The following ERCC6L2 variants were observed in gnomAD, a reference collection of about 807,000 sequenced individuals.
ERCC6L2 encodes the protein DNA excision repair protein ERCC-6-like 2.
ERCC6L2 carries 77 observed loss-of-function variants against 132.0 expected under a neutral mutation model. The observed-to-expected ratio is 0.58, with a 90% CI of 0.49 to 0.71. The LOEUF (loss-of-function observed/expected upper bound fraction) is 0.71. Ranked by LOEUF, ERCC6L2 falls within the 30% of genes least tolerant of loss-of-function variation. The probability of loss-of-function intolerance (pLI) is 0.00; values close to 1 mark genes in which losing one functional copy is unlikely to be tolerated. For synonymous variants in ERCC6L2, 583 were observed against 632.4 expected, an observed-to-expected ratio of 0.92 and a Z score of 1.17; for missense variants, 1,542 against 1,837.6, an observed-to-expected ratio of 0.84 and a Z score of 2.94.
At chr9:96,019,499 C>T (rs1229209033), downstream of ERCC6L2, among the ~76,000 whole-genome samples, 1 of 152,128 alleles carries the variant, frequency 6.6e-6, no homozygotes, top group Non-Finnish European at 1.5e-5. Context: ...TTCCATGTCA[C>T]CCCTGACTCC....
intron 12 of ERCC6L2, among the ~76,000 whole-genome samples, chr9:95,949,981 C>T (rs974717614): frequency 2.7e-5 from 4 of 150,776 alleles, no homozygotes; most frequent in African/African-American, 9.8e-5. Flanking sequence ...TGCCACTACA[C>T]TCCAGCCTGG....
intron 12 of ERCC6L2, among the ~76,000 whole-genome samples, chr9:95,948,814 G>T (rs887140779): frequency 7.2e-6 from 1 of 139,460 alleles, no homozygotes; most frequent in Non-Finnish European, 1.6e-5. Flanking sequence ...AAAAAGAAAA[G>T]AAAAGAAAGA....
chr9:95,891,570 G>A (rs1315386160), intron 2 of ERCC6L2, among the ~76,000 whole-genome samples: 1 of 150,870 alleles, frequency 6.6e-6, no homozygotes, highest in African/African-American at 2.4e-5. Flanking sequence ...GGAATTAGTG[G>A]GTTTTATGGT....
chr9:96,013,166 C>T lies in ERCC6L2; in HGVS notation c.4616C>T (p.Thr1539Ile). The T allele has an allele frequency of 7.3e-7, 1 of 1,365,978 alleles. No individual in the cohort carries two copies. The highest frequency in any genetic ancestry group is 9.8e-7 in the Non-Finnish European group (1 of 1,021,416). 84.6% of individuals were successfully genotyped at this position (1,365,978 alleles called of 1,614,324 possible). A position where few individuals can be genotyped will look rare whatever the true frequency, so the allele number is the denominator to read the frequency against. Residue 1539 changes from threonine to isoleucine, a missense_variant, in exon 19 of 19, where the codon ACA (threonine) becomes ATA (isoleucine). Physicochemically the swap from Thr to Ile is moderately conservative, Grantham distance 89 (BLOSUM62 -1). Around this residue, in one of 4 missense-constraint regions of ERCC6L2, gnomAD observed 442 missense variants for 583.4 expected, o/e 0.76. Coordinates refer to ENST00000653738, the MANE Select transcript of ERCC6L2 (RefSeq NM_020207.7). ...FLWKKFSPSDTDENATNTQST... is the reference protein window; with the variant it reads ...FLWKKFSPSDIDENATNTQST... ...TGGAAGAAATTTAGCCCAAGTGATA[C>T]AGATGAAAACGCAACCAATACACAG... is the stretch of plus-strand genomic sequence containing the variant.
chr9:95,921,856 T>G (rs1357791062), intron 7 of ERCC6L2, among the ~76,000 whole-genome samples: 1 of 152,232 alleles, frequency 6.6e-6, no homozygotes, highest in African/African-American at 2.4e-5. Flanking sequence ...AAACCCTAAG[T>G]GAATATTTAT....
chr9:95,928,652 C>T, intron 10 of ERCC6L2, 67 bp from the exon 11 acceptor site: 1 of 1,384,564 alleles, frequency 7.2e-7, no homozygotes, highest in Non-Finnish European at 9.7e-7. Flanking sequence ...CAAGTCTCAA[C>T]TTTGTAATGG....
chr9:95,921,175 A>C lies in ERCC6L2; in HGVS notation c.1159A>C (p.Met387Leu), dbSNP rs768120288. The C allele has an allele frequency of 1.6e-5, 26 of 1,604,760 alleles. No individual in the cohort carries two copies. Among genetic ancestry groups the C allele is most frequent in the Non-Finnish European group, 5.9e-6 (7 of 1,176,560 alleles). Residue 387 changes from methionine (M) to leucine (L), a missense_variant and splice_region_variant, in exon 7 of 19, where the codon ATG (methionine) becomes CTG (leucine). Coordinates refer to ENST00000653738, the MANE Select transcript of ERCC6L2 (RefSeq NM_020207.7). ...ACTACCTTGTATTTTATCTTGGCAG[A>C]TGGTGTATTGTTCTTTGACAGATTT... ...KDQLPKKEDR[M>L]VYCSLTDFQK...
intron 19 of ERCC6L2, among the ~76,000 whole-genome samples, chr9:96,025,393 G>A (rs983578917): frequency 2.6e-5 from 4 of 152,214 alleles, no homozygotes; most frequent in Admixed American, 6.5e-5. Context: ...AGATGGCAGC[G>A]AGTTTCTGTT....
intron 12 of ERCC6L2, among the ~76,000 whole-genome samples, chr9:95,945,170 A>G (rs1239595454): frequency 1.3e-5 from 2 of 152,156 alleles, no homozygotes; most frequent in African/African-American, 2.4e-5. Context: ...TGAAGCGGCC[A>G]TTTCAGAGGC....
chr9:95,888,071 T>TG (rs1462574044), intron 2 of ERCC6L2, among the ~76,000 whole-genome samples: 3 of 151,754 alleles, frequency 2.0e-5, no homozygotes, highest in Non-Finnish European at 4.4e-5. Context: ...CTTTGTGGTT[T>TG]TTTTTTTTTT....
intron 12 of ERCC6L2, among the ~76,000 whole-genome samples, chr9:95,945,621 T>G (rs1034258403): frequency 1.3e-5 from 2 of 152,188 alleles, no homozygotes; most frequent in Admixed American, 6.5e-5. Context: ...ATTATAAAAG[T>G]GTTAATTTGG....
chr9:95,978,193 A>G lies in ERCC6L2; in HGVS notation c.3470A>G (p.Asn1157Ser), dbSNP rs1477908764. 1 of 1,366,296 alleles carries G rather than the reference A, an allele frequency of 7.3e-7. No individual in the cohort carries two copies. Among genetic ancestry groups the G allele is most frequent in the Non-Finnish European group, 9.8e-7 (1 of 1,021,254 alleles). The allele number at this position is 1,366,296 out of a possible 1,614,324, so 84.6% of individuals were successfully genotyped here. ...AAGCAGTTTTCTCAGCTGCCTGCTAACATAGCTGTTTGCAGTTCTAAGGTA... is the reference window on the plus strand; with the variant it reads ...AAGCAGTTTTCTCAGCTGCCTGCTAGCATAGCTGTTTGCAGTTCTAAGGTA... ...ELKQFSQLPANIAVCSSKTYK... is the reference protein window; with the variant it reads ...ELKQFSQLPASIAVCSSKTYK... Residue 1157 changes from asparagine to serine, a missense_variant, in exon 17 of 19, where the codon AAC (asparagine) becomes AGC (serine). Asn to Ser is a conservative substitution (Grantham distance 46, BLOSUM62 1). Coordinates refer to ENST00000653738, the MANE Select transcript of ERCC6L2 (RefSeq NM_020207.7).
At chr9:96,035,776 G>A (rs1834511926) in intron 19 of ERCC6L2, among the ~76,000 whole-genome samples, 3 of 152,166 alleles carry the variant, frequency 2.0e-5, no homozygotes, top group Non-Finnish European at 1.5e-5. Flanking sequence ...GGACAAGATA[G>A]GCAACAGGTT....
At chr9:95,918,199 C>A in intron 6 of ERCC6L2, 1 of 478,866 alleles carries the variant, frequency 2.1e-6, no homozygotes, top group Non-Finnish European at 4.2e-6. Context: ...GGCAGTCAGC[C>A]CTGTAGACAT....
chr9:95,988,727 G>GA (rs1833189275), intron 17 of ERCC6L2, among the ~76,000 whole-genome samples: 1 of 152,190 alleles, frequency 6.6e-6, no homozygotes, highest in Non-Finnish European at 1.5e-5. Context: ...CTGTGTGGGG[G>GA]ATTTTCCCTT....
intron 12 of ERCC6L2, among the ~76,000 whole-genome samples, chr9:95,945,458 C>T (rs1019075773): frequency 6.6e-5 from 10 of 152,164 alleles, no homozygotes; most frequent in African/African-American, 2.4e-4. Flanking sequence ...TGAGGCAACA[C>T]TCATCCTCCT....
intron 3 of ERCC6L2, among the ~76,000 whole-genome samples, chr9:95,902,961 T>C (rs1021463424): frequency 1.3e-5 from 2 of 152,136 alleles, no homozygotes; most frequent in Admixed American, 6.5e-5. Context: ...AATTATTTAT[T>C]GATTTTTTAA....
intron 1 of ERCC6L2, chr9:95,876,371 C>T (rs1040297777): frequency 5.3e-6 from 2 of 377,734 alleles, no homozygotes; most frequent in South Asian, 8.5e-5. Context: ...TAGGTTCTTG[C>T]GATTATTAAA....
chr9:96,011,005 G>A (rs1834009138), intron 18 of ERCC6L2, among the ~76,000 whole-genome samples: 1 of 152,174 alleles, frequency 6.6e-6, no homozygotes, highest in Admixed American at 6.5e-5. Flanking sequence ...TATGACTTTT[G>A]TTCAAAGGAG....
Sources: allele counts gnomAD v4.1 joint callset (sites outside exome capture counted in the v4.1 genomes callset), GRCh38; gene constraint gnomAD v4.1.1; regional missense constraint gnomAD v4.1.1; transcripts MANE v1.5; gene names NCBI Gene and HGNC (gene_info 2026-07-23, HGNC 2026-07-21).